METTL25: variants seen among roughly 807,000 people sequenced by gnomAD.
METTL25 encodes methyltransferase like 25.
METTL25 carries 64 observed loss-of-function variants against 71.6 expected under a neutral mutation model. The ratio of observed to expected loss-of-function variants is 0.89; its 90% CI spans 0.73 to 1.10. The LOEUF is 1.10. METTL25 is among the 50% of genes least tolerant of loss of function. The probability of loss-of-function intolerance (pLI) is 0.00; values close to 1 mark genes in which losing one functional copy is unlikely to be tolerated. For synonymous variants in METTL25, 287 were observed against 250.3 expected (o/e 1.15, Z -1.38); for missense variants, 807 against 707.0 (o/e 1.14, Z -1.60).
At chr12:82,391,187 C>T (rs145247229) in intron 3 of METTL25, among the ~76,000 whole-genome samples, 347 of 152,040 alleles carry the variant, frequency 2.3e-3, no homozygotes, top group African/African-American at 8.0e-3. Context: ...GAAATCTGGT[C>T]TGAATGAGGC....
At chr12:82,432,373 G>A (rs1889573674) in intron 6 of METTL25, among the ~76,000 whole-genome samples, 1 of 151,520 alleles carries the variant, frequency 6.6e-6, no homozygotes, top group Non-Finnish European at 1.5e-5. Flanking sequence ...TTGTTAGAAT[G>A]ACAGCTTCTT....
intron 3 of METTL25, among the ~76,000 whole-genome samples, chr12:82,390,401 T>C (rs1276683306): frequency 6.6e-6 from 1 of 152,108 alleles, no homozygotes; most frequent in Non-Finnish European, 1.5e-5. Flanking sequence ...CATTCCTGTT[T>C]TGAAAAATAG....
At chr12:82,440,200 T>C (rs943662188) in intron 8 of METTL25, among the ~76,000 whole-genome samples, 3 of 151,974 alleles carry the variant, frequency 2.0e-5, no homozygotes, top group East Asian at 1.9e-4. Context: ...AGCCATTCTT[T>C]AATGTTTTAT....
chr12:82,368,539 G>GAAGTTC (rs1440467944), intron 1 of METTL25, among the ~76,000 whole-genome samples: 2 of 152,160 alleles, frequency 1.3e-5, no homozygotes, highest in Non-Finnish European at 2.9e-5. Context: ...TAAGGTACCA[G>GAAGTTC]AAGTTCAGCT....
intron 11 of METTL25, among the ~76,000 whole-genome samples, chr12:82,477,961 T>C (rs1156646914): frequency 6.6e-6 from 1 of 151,886 alleles, no homozygotes; most frequent in African/African-American, 2.4e-5. Context: ...CTATAAACTC[T>C]TTAACAGTTT....
At chr12:82,469,341 T>C (rs546205335) in intron 9 of METTL25, among the ~76,000 whole-genome samples, 1 of 152,232 alleles carries the variant, frequency 6.6e-6, no homozygotes, top group East Asian at 1.9e-4. Context: ...GAAAGAGGTT[T>C]AATTGACTCA....
intron 5 of METTL25, among the ~76,000 whole-genome samples, chr12:82,418,493 T>A (rs539989044): frequency 6.6e-6 from 1 of 152,160 alleles, no homozygotes. Context: ...TTAAAAAATG[T>A]GTGACACTAA....
intron 9 of METTL25, among the ~76,000 whole-genome samples, chr12:82,464,002 G>A (rs1434198233): frequency 2.0e-5 from 3 of 151,786 alleles, no homozygotes; most frequent in Admixed American, 1.3e-4. Context: ...GTATATTCTC[G>A]ATATTAATTC....
rs575696202 is a variant in METTL25 at position 82,396,017 on chromosome 12, G to C, written c.532-2778G>C. ...GTCAACAACAGACCACATATAAGATGGTAGTGCCATAACATATAATACTGT... is the reference window on the plus strand; with the variant it reads ...GTCAACAACAGACCACATATAAGATCGTAGTGCCATAACATATAATACTGT... On this transcript the variant is annotated intron_variant, in intron 3 of 11. Transcript: ENST00000248306. Among the ~76,000 whole-genome samples the C allele has an allele frequency of 1.8e-4, 28 of 152,118 alleles. No homozygotes were observed. The South Asian group carries it at 5.4e-3, about 29-fold the overall frequency.
At chr12:82,472,634 G>A (rs1892638595) in intron 9 of METTL25, among the ~76,000 whole-genome samples, 1 of 152,058 alleles carries the variant, frequency 6.6e-6, no homozygotes, top group African/African-American at 2.4e-5. Flanking sequence ...TTCTGTTATT[G>A]AAGCTCTCAA....
intron 8 of METTL25, among the ~76,000 whole-genome samples, chr12:82,440,255 A>G (rs140894186): frequency 4.9e-4 from 75 of 151,960 alleles, no homozygotes; most frequent in Non-Finnish European, 9.3e-4. Flanking sequence ...TAGGATCCTT[A>G]CTACAAATGA....
Position 82,386,837 on chromosome 12 carries a change from T to G in METTL25, c.294T>G (p.Thr98=). 1 of 1,613,360 alleles carries G rather than the reference T, an allele frequency of 6.2e-7. No individual in the cohort carries two copies. Among genetic ancestry groups the G allele is most frequent in the Non-Finnish European group, 8.5e-7 (1 of 1,179,580 alleles). ...MTDFPKIFCE[T]SQKLVSVEAF... ...ATTTTCCCAAAATATTTTGTGAAAC[T>G]TCTCAGAAGTTGGTGAGTGTGGAAG... Residue 98 remains threonine, a synonymous_variant, in exon 2 of 12, where the codon ACT becomes ACG. Transcript: ENST00000248306.
intron 8 of METTL25, among the ~76,000 whole-genome samples, chr12:82,441,464 A>G (rs1233128531): frequency 6.6e-6 from 1 of 151,970 alleles, no homozygotes; most frequent in Admixed American, 6.6e-5. Flanking sequence ...AACTCTGGAA[A>G]TATAGAATAG....
At chr12:82,422,455 A>T (rs547312422) in intron 5 of METTL25, among the ~76,000 whole-genome samples, 30 of 152,266 alleles carry the variant, frequency 2.0e-4, no homozygotes, top group Admixed American at 1.7e-3. Flanking sequence ...AATGGGCAAA[A>T]ACTGGAAGCA....
chr12:82,373,683 G>A (rs2136874222), intron 1 of METTL25, among the ~76,000 whole-genome samples: 1 of 152,294 alleles, frequency 6.6e-6, no homozygotes, highest in Non-Finnish European at 1.5e-5. Context: ...CAACCAACTT[G>A]TTTGTGGGAC....
chr12:82,427,045 G>C (rs536733529), intron 5 of METTL25, among the ~76,000 whole-genome samples: 3 of 151,866 alleles, frequency 2.0e-5, no homozygotes, highest in Non-Finnish European at 2.9e-5. Context: ...CTCCATAAGC[G>C]CTTGGTTTTT....
chr12:82,413,617 T>C lies in METTL25; in HGVS notation c.1279+10487T>C, dbSNP rs1342460924. 2.0e-5 allele frequency among the ~76,000 whole-genome samples: 3 copies of C among 152,014 alleles called. No homozygotes were observed. The East Asian group carries it at 5.8e-4, about 29-fold the overall frequency. On this transcript the variant is annotated intron_variant, in intron 5 of 11. Transcript: ENST00000248306. ...TAGCTTTTGTGGATCATCTGTAAAT[T>C]AGTGAAGCAAGAGAGGGGTTAAATT...
At chr12:82,365,633 T>A (rs1289330398) in intron 1 of METTL25, among the ~76,000 whole-genome samples, 1 of 152,186 alleles carries the variant, frequency 6.6e-6, no homozygotes, top group Non-Finnish European at 1.5e-5. Context: ...CTTCAGAAAT[T>A]AATTGTTGTT....
intron 1 of METTL25, among the ~76,000 whole-genome samples, chr12:82,371,469 G>A (rs535751017): frequency 1.7e-3 from 262 of 152,292 alleles, no homozygotes; most frequent in Non-Finnish European, 2.7e-3. Flanking sequence ...CTGATAACAA[G>A]CCCTACCGGG....
Sources: gnomAD v4.1 joint callset for allele counts (sites outside exome capture counted in the v4.1 genomes callset) on GRCh38, gnomAD v4.1.1 for gene constraint, MANE v1.5 for transcripts, NCBI Gene and HGNC (gene_info 2026-07-23, HGNC 2026-07-21) for gene names.